The following KYAT1 variants were observed in gnomAD, a reference collection of about 807,000 sequenced individuals.
KYAT1 encodes kynurenine aminotransferase 1.
Under a neutral mutation model 52.4 loss-of-function variants are expected in KYAT1, and 47 were observed. The ratio of observed to expected loss-of-function variants is 0.90; its 90% CI spans 0.71 to 1.14. KYAT1 has a LOEUF of 1.14. Among genes scored for constraint, KYAT1 ranks in the 50% most tolerant of loss-of-function variants. The pLI is 0.00. For synonymous variants in KYAT1, 212 were observed against 209.6 expected (o/e 1.01, Z -0.10); for missense variants, 480 against 557.9 (o/e 0.86, Z 1.41).
chr9:128,878,998 T>C (rs547406987), intron 1 of KYAT1, among the ~76,000 whole-genome samples: 6 of 152,070 alleles, frequency 3.9e-5, no homozygotes, highest in Non-Finnish European at 8.8e-5. Flanking sequence ...AATGAGGGCA[T>C]AGGATGAGCA....
intron 1 of KYAT1, among the ~76,000 whole-genome samples, chr9:128,876,252 T>TA (rs1564505365): frequency 1.3e-3 from 195 of 149,342 alleles, no homozygotes; most frequent in African/African-American, 4.8e-3. Flanking sequence ...TTCTTTGCTT[T>TA]TAAAAAAAAA....
At chr9:128,843,535 C>T (rs1832580397) in intron 2 of KYAT1, among the ~76,000 whole-genome samples, 1 of 152,046 alleles carries the variant, frequency 6.6e-6, no homozygotes, top group South Asian at 2.1e-4. Context: ...CCCGCCACCA[C>T]GCCCAGCTAA....
rs750199427 is a variant in KYAT1 at position 128,845,326 on chromosome 9, C to A, written c.53+27G>T. 4.3e-6 allele frequency: 7 copies of A among 1,610,356 alleles called. No homozygotes were observed. The South Asian group carries it at 6.6e-5, about 15-fold the overall frequency. On this transcript the variant is annotated intron_variant, in intron 2 of 12. Transcript: ENST00000302586. ...CAACCCATGCCCGAGGGGACACCCA[C>A]ACACCTCCCCAGCCCAGCTGGCTCA...
At chr9:128,836,989 G>A (rs972247773) in intron 6 of KYAT1, 67 bp from the exon 7 acceptor site, 11 of 1,572,230 alleles carry the variant, frequency 7.0e-6, no homozygotes, top group Non-Finnish European at 8.6e-6. Context: ...GGCCTACTCA[G>A]AGAGGTTAAA....
chr9:128,850,027 C>T (rs1388822766), intron 1 of KYAT1, among the ~76,000 whole-genome samples: 1 of 151,210 alleles, frequency 6.6e-6, no homozygotes, highest in African/African-American at 2.4e-5. Context: ...TGGGATTATA[C>T]GTGTGTGCCA....
chr9:128,875,876 C>G (rs114261597), intron 1 of KYAT1, among the ~76,000 whole-genome samples: 1 of 152,140 alleles, frequency 6.6e-6, no homozygotes. Context: ...TTGCTTGACC[C>G]GAAGGCAGTG....
At chr9:128,847,949 C>A (rs75519429) in intron 1 of KYAT1, among the ~76,000 whole-genome samples, 10 of 152,132 alleles carry the variant, frequency 6.6e-5, no homozygotes, top group African/African-American at 2.2e-4. Context: ...TAAAAGTGGC[C>A]CTAAATTAGA....
At position 128,835,480 on chromosome 9, in the gene KYAT1, C is replaced by A; in HGVS notation, c.1042+1G>T. The A allele has an allele frequency of 6.2e-7, 1 of 1,613,918 alleles. No homozygotes were observed. The highest frequency in any genetic ancestry group is 8.5e-7 in the Non-Finnish European group (1 of 1,180,020). On this transcript the variant is annotated splice_donor_variant, in intron 10 of 12. Coordinates refer to ENST00000302586, the MANE Select transcript of KYAT1 (RefSeq NM_004059.5). LOFTEE classifies it high-confidence loss of function. ...TGCCCAGACCGGCAAGTCTCACTCACTGAAGTCTGAGATGTCTGTGATGAG... is the reference window on the plus strand; with the variant it reads ...TGCCCAGACCGGCAAGTCTCACTCAATGAAGTCTGAGATGTCTGTGATGAG...
At chr9:128,862,416 A>C (rs1480257843) in intron 1 of KYAT1, among the ~76,000 whole-genome samples, 2 of 152,244 alleles carry the variant, frequency 1.3e-5, no homozygotes, top group African/African-American at 2.4e-5. Context: ...CCTCACCCTC[A>C]TTAACAGGTG....
chr9:128,833,902 T>C, intron 11 of KYAT1, 76 bp from the exon 12 acceptor site: 1 of 1,173,126 alleles, frequency 8.5e-7, no homozygotes, highest in Non-Finnish European at 1.3e-6. Flanking sequence ...GACAGAGAGG[T>C]TCCCACGACC....
At chr9:128,875,248 GTTT>G (rs1201067985) in intron 1 of KYAT1, among the ~76,000 whole-genome samples, 4 of 108,344 alleles carry the variant, frequency 3.7e-5, no homozygotes, top group Admixed American at 9.5e-5. Context: ...GTTTTTTTTT[GTTT>G]TTTTTTTTTT....
chr9:128,835,908 A>C (rs750244620), intron 8 of KYAT1, 40 bp from the exon 9 acceptor site: 1 of 1,610,584 alleles, frequency 6.2e-7, no homozygotes, highest in Non-Finnish European at 8.5e-7. Context: ...GTCCTTCCAG[A>C]CCTGGCTAAA....
At chr9:128,880,930 G>T in intron 1 of KYAT1, among the ~76,000 whole-genome samples, 1 of 152,054 alleles carries the variant, frequency 6.6e-6, no homozygotes, top group Middle Eastern at 3.4e-3. Flanking sequence ...TAAATTTCTC[G>T]CCCTGGCCCA....
At chr9:128,835,155 G>C (rs1441392583) in intron 11 of KYAT1, 168 bp downstream of exon 11, 3 of 645,834 alleles carry the variant, frequency 4.6e-6, no homozygotes, top group Admixed American at 2.7e-5. Context: ...AAAAAAGAAA[G>C]AAAAAAAGAA....
Position 128,837,707 on chromosome 9 carries a change from G to T in KYAT1, c.545C>A (p.Thr182Asn), listed in dbSNP as rs766952559. 2 of 1,614,030 alleles carry T rather than the reference G, an allele frequency of 1.2e-6. No individual in the cohort carries two copies. The highest frequency in any genetic ancestry group is 2.2e-5 in the East Asian group (1 of 44,890). The part of the protein sequence containing the change: ...TSRTKALVLN[T>N]PNNPLGKVFS... Reference sequence around the variant, plus strand: ...TACCTTGCCCAGGGGGTTGTTGGGGGTGTTGAGGACCAGGGCTTTGGTGCG... The same window carrying T: ...TACCTTGCCCAGGGGGTTGTTGGGGTTGTTGAGGACCAGGGCTTTGGTGCG... Residue 182 changes from threonine (T) to asparagine (N), a missense_variant, in exon 6 of 13, where the codon ACC (threonine) becomes AAC (asparagine). By Grantham distance (65) the Thr-to-Asn change is moderately conservative. Coordinates refer to ENST00000302586, the MANE Select transcript of KYAT1 (RefSeq NM_004059.5).
intron 1 of KYAT1, among the ~76,000 whole-genome samples, chr9:128,873,001 G>A (rs181921801): frequency 1.1e-3 from 159 of 150,692 alleles, no homozygotes; most frequent in Non-Finnish European, 1.8e-3. Flanking sequence ...GCTTGAACCC[G>A]GGAGGCAAAG....
In KYAT1 at chr9:128,837,655, G is replaced by T. The variant is rs374652459; in HGVS notation, c.567+30C>A. The T allele has an allele frequency of 2.5e-6, 4 of 1,612,902 alleles. No individual in the cohort carries two copies. In the African/African-American group the frequency reaches 5.3e-5, roughly 22 times the overall value. On this transcript the variant is annotated intron_variant, in intron 6 of 12. Transcript: ENST00000302586. ...TGCAGGAGACATGACCAGGTCCGCAGGGGGCCAGGGAAGGAGGTCCCTCCA... is the reference window on the plus strand; with the variant it reads ...TGCAGGAGACATGACCAGGTCCGCATGGGGCCAGGGAAGGAGGTCCCTCCA...
At chr9:128,833,664 C>G in intron 12 of KYAT1, 21 bp from the exon 13 acceptor site, 4 of 1,614,200 alleles carry the variant, frequency 2.5e-6, no homozygotes, top group Non-Finnish European at 3.4e-6. Flanking sequence ...ACAGATTAGT[C>G]CTACACTCTC....
rs556775628 is a variant in KYAT1, at chr9:128,832,974, G to T, written c.*610C>A. On this transcript the variant is annotated 3_prime_UTR_variant, in exon 13 of 13. Transcript: ENST00000302586. ...TGAGGAATTCATTTGAGGGCCTTGG[G>T]TGCTAGGCCTGGTTGTGCCACTATG... is the stretch of plus-strand genomic sequence containing the variant. 6.5e-6 allele frequency: 1 copy of T among 153,506 alleles called. No individual in the cohort carries two copies. The highest frequency in any genetic ancestry group is 1.9e-4 in the East Asian group (1 of 5,188). 9.5% of individuals were successfully genotyped at this position (153,506 alleles called of 1,614,324 possible).
Sources: allele counts gnomAD v4.1 joint callset (sites outside exome capture counted in the v4.1 genomes callset), GRCh38; gene constraint gnomAD v4.1.1; transcripts MANE v1.5; gene names NCBI Gene and HGNC (gene_info 2026-07-23, HGNC 2026-07-21).